The following SND1 variants were observed in gnomAD, a reference collection of about 807,000 sequenced individuals.
The protein encoded by SND1 is staphylococcal nuclease domain-containing protein 1.
SND1 carries 38 observed loss-of-function variants against 121.7 expected under a neutral mutation model. The observed-to-expected ratio is 0.31, with a 90% CI of 0.24 to 0.41. The LOEUF is 0.41. Ranked by LOEUF, SND1 falls within the 10% of genes least tolerant of loss-of-function variation. The probability of loss-of-function intolerance (pLI) is 1.00; values close to 1 mark genes in which losing one functional copy is unlikely to be tolerated. For synonymous variants in SND1, 401 were observed against 447.4 expected (o/e 0.90, Z 1.31); for missense variants, 868 against 1,184.6 (o/e 0.73, Z 3.92).
At chr7:127,964,655 T>A (rs1801814886) in intron 15 of SND1, among the ~76,000 whole-genome samples, 1 of 151,954 alleles carries the variant, frequency 6.6e-6, no homozygotes, top group Non-Finnish European at 1.5e-5. Context: ...TTGGTTACCG[T>A]AGCCTTGTAG....
intron 14 of SND1, among the ~76,000 whole-genome samples, chr7:127,925,159 C>G (rs1800803658): frequency 6.6e-6 from 1 of 152,164 alleles, no homozygotes; most frequent in African/African-American, 2.4e-5. Flanking sequence ...TTAAATGTAG[C>G]TAATGCAATC....
At chr7:127,907,827 T>A (rs779153603) in intron 14 of SND1, among the ~76,000 whole-genome samples, 143 of 152,172 alleles carry the variant, frequency 9.4e-4, no homozygotes, top group Non-Finnish European at 8.8e-4. Context: ...CATGATCTCT[T>A]CTCTTGCTGT....
At chr7:127,673,500 C>T (rs905538302) in intron 1 of SND1, among the ~76,000 whole-genome samples, 1 of 151,960 alleles carries the variant, frequency 6.6e-6, no homozygotes, top group Non-Finnish European at 1.5e-5. Context: ...TTAGTAGAGA[C>T]GGGGTTTTGC....
At chr7:127,872,951 T>G (rs1799625189) in intron 12 of SND1, among the ~76,000 whole-genome samples, 1 of 152,186 alleles carries the variant, frequency 6.6e-6, no homozygotes, top group African/African-American at 2.4e-5. Context: ...ACCTTGTTCA[T>G]TCATTCTTAA....
intron 10 of SND1, among the ~76,000 whole-genome samples, chr7:127,741,143 A>T (rs1279390308): frequency 6.6e-6 from 1 of 152,164 alleles, no homozygotes; most frequent in Non-Finnish European, 1.5e-5. Context: ...TTGTGCCAGT[A>T]GTTTCCTTAA....
chr7:128,069,226 T>TA (rs1271817457), intron 16 of SND1, among the ~76,000 whole-genome samples: 1 of 152,192 alleles, frequency 6.6e-6, no homozygotes, highest in African/African-American at 2.4e-5. Flanking sequence ...AGGAGCTCAT[T>TA]AAGCAGGGAT....
At chr7:127,918,222 C>T (rs1203241150) in intron 14 of SND1, among the ~76,000 whole-genome samples, 4 of 151,592 alleles carry the variant, frequency 2.6e-5, no homozygotes, top group Non-Finnish European at 5.9e-5. Context: ...CCATAGCCGG[C>T]TAATTTTTGT....
At chr7:127,713,189 T>C (rs867654365) in intron 9 of SND1, among the ~76,000 whole-genome samples, 1 of 152,368 alleles carries the variant, frequency 6.6e-6, no homozygotes, top group Middle Eastern at 3.4e-3. Flanking sequence ...ACATGGACAG[T>C]GTGTAAATGA....
At chr7:127,769,049 C>T (rs905409280) in intron 10 of SND1, among the ~76,000 whole-genome samples, 1 of 152,170 alleles carries the variant, frequency 6.6e-6, no homozygotes, top group African/African-American at 2.4e-5. Context: ...TCTTTGTCTT[C>T]ATGGCATCTC....
At chr7:127,692,746 G>T (rs1025242872) in intron 2 of SND1, 1 of 152,158 alleles carries the variant, frequency 6.6e-6, no homozygotes, top group Non-Finnish European at 1.5e-5. Context: ...GAAGATTGCA[G>T]AAACTAGGTT....
At chr7:127,660,208 G>A (rs1795284529) in intron 1 of SND1, among the ~76,000 whole-genome samples, 1 of 152,130 alleles carries the variant, frequency 6.6e-6, no homozygotes, top group Non-Finnish European at 1.5e-5. Flanking sequence ...TGTTGCTTGA[G>A]ACCCAGAGGA....
At position 128,085,631 on chromosome 7, in the gene SND1, C is replaced by T. The variant is rs1793675758; in HGVS notation, c.2235-80C>T. ...ACCCAGGCAGGGAAATGCTGTGCCC[C>T]TGCCCCGCCATTGCTGAGGCTCTGG... On this transcript the variant is annotated intron_variant, in intron 19 of 23. Coordinates refer to ENST00000354725, the MANE Select transcript of SND1 (RefSeq NM_014390.4). The surrounding 1 kb of genome is among the most constrained non-coding windows in gnomAD (Gnocchi z 4.4). 6.3e-6 allele frequency: 8 copies of T among 1,271,612 alleles called. No homozygotes were observed. The highest frequency in any genetic ancestry group is 6.9e-6 in the Non-Finnish European group (6 of 873,866). 78.8% of individuals were successfully genotyped at this position (1,271,612 alleles called of 1,614,324 possible). A position where few individuals can be genotyped will look rare whatever the true frequency, so the allele number is the denominator to read the frequency against.
intron 15 of SND1, among the ~76,000 whole-genome samples, chr7:127,974,642 C>T (rs1257047378): frequency 6.6e-6 from 1 of 152,178 alleles, no homozygotes; most frequent in Non-Finnish European, 1.5e-5. Flanking sequence ...ACCTTTCCTC[C>T]TGACTCAGGC....
chr7:127,819,537 C>G (rs1798507932), intron 11 of SND1, among the ~76,000 whole-genome samples: 1 of 152,158 alleles, frequency 6.6e-6, no homozygotes, highest in South Asian at 2.1e-4. Context: ...AGGAGGGCCA[C>G]CATAAAGAGG....
At chr7:128,026,036 T>C (rs3823995) in intron 16 of SND1, among the ~76,000 whole-genome samples, 61,139 of 150,106 alleles carry the variant, frequency 0.41, 12,733 homozygotes, top group South Asian at 0.49. Context: ...AAAAGAAGGG[T>C]GTTAGGAAAT....
intron 10 of SND1, among the ~76,000 whole-genome samples, chr7:127,741,596 T>C (rs899863178): frequency 1.3e-5 from 2 of 152,164 alleles, no homozygotes; most frequent in African/African-American, 4.8e-5. Context: ...GGTGAGGTGC[T>C]TCTCTACTAG....
intron 16 of SND1, among the ~76,000 whole-genome samples, chr7:128,055,269 G>C (rs1043181546): frequency 5.3e-5 from 8 of 152,222 alleles, no homozygotes; most frequent in Non-Finnish European, 8.8e-5. Flanking sequence ...TGGCAGCTCT[G>C]TAGGACCATG....
At position 127,853,374 on chromosome 7, in the gene SND1, C is replaced by A. The variant is rs1799210385; in HGVS notation, c.1343+8950C>A. On this transcript the variant is annotated intron_variant, in intron 12 of 23. Transcript: ENST00000354725. ...ATCTGAGTATCTAATGTTGAGAAAT[C>A]TGCAACAGTAACTTCCTTTAGTGTA... 2.6e-5 allele frequency among the ~76,000 whole-genome samples: 4 copies of A among 152,162 alleles called. No homozygotes were observed. In the South Asian group the frequency reaches 8.3e-4, roughly 32 times the overall value.
chr7:127,785,877 C>G (rs997897633), intron 10 of SND1, among the ~76,000 whole-genome samples: 1 of 152,206 alleles, frequency 6.6e-6, no homozygotes, highest in Non-Finnish European at 1.5e-5. Flanking sequence ...GAAGATCTGC[C>G]TGCCTCAATA....
Sources: gnomAD v4.1 joint callset for allele counts (sites outside exome capture counted in the v4.1 genomes callset) on GRCh38, gnomAD v4.1.1 for gene constraint, Gnocchi (gnomAD v3.1) non-coding constraint, MANE v1.5 for transcripts, NCBI Gene and HGNC (gene_info 2026-07-23, HGNC 2026-07-21) for gene names.